The following ATP8A2 variants were observed in gnomAD, a reference collection of about 807,000 sequenced individuals.
ATP8A2 encodes the protein phospholipid-transporting ATPase IB.
Under a neutral mutation model 165.6 loss-of-function variants are expected in ATP8A2, and 100 were observed. That is an observed-to-expected ratio of 0.60 (90% CI 0.51 to 0.71). ATP8A2 has a LOEUF of 0.71. ATP8A2 is among the 30% of genes least tolerant of loss of function. ATP8A2 has a pLI of 0.00. For missense variants in ATP8A2, 1,227 were observed against 1,479.5 expected (o/e 0.83, Z 2.80); for synonymous variants, 543 against 548.8 (o/e 0.99, Z 0.15).
chr13:25,407,708 A>G (rs1036950968), intron 1 of ATP8A2, among the ~76,000 whole-genome samples: 1 of 152,222 alleles, frequency 6.6e-6, no homozygotes, highest in African/African-American at 2.4e-5. Context: ...GGAAAGACCT[A>G]GAAGAAAGTG....
chr13:25,999,403 G>A (rs2139316082), intron 35 of ATP8A2, among the ~76,000 whole-genome samples: 1 of 152,244 alleles, frequency 6.6e-6, no homozygotes, highest in South Asian at 2.1e-4. Flanking sequence ...GGCGCTCACA[G>A]GCCCCACATC....
At chr13:25,523,431 C>A (rs2037736183) in intron 2 of ATP8A2, among the ~76,000 whole-genome samples, 1 of 152,056 alleles carries the variant, frequency 6.6e-6, no homozygotes, top group Non-Finnish European at 1.5e-5. Flanking sequence ...CACCACCTTG[C>A]CTGGCTAGGT....
intron 27 of ATP8A2, among the ~76,000 whole-genome samples, chr13:25,808,679 C>T (rs541543053): frequency 1.4e-4 from 21 of 152,100 alleles, no homozygotes; most frequent in Non-Finnish European, 3.1e-4. Context: ...GGCTCAACCT[C>T]CCACCTCAGC....
At chr13:25,850,921 A>T (rs9511943) in intron 30 of ATP8A2, among the ~76,000 whole-genome samples, 20,185 of 152,120 alleles carry the variant, frequency 0.13, 1,563 homozygotes, top group Non-Finnish European at 0.18. Flanking sequence ...TTTGCCTCTA[A>T]AACTGTTGAA....
chr13:25,469,285 C>G (rs1445233995), intron 2 of ATP8A2, among the ~76,000 whole-genome samples, 164 bp downstream of exon 2: 6 of 151,966 alleles, frequency 3.9e-5, no homozygotes, highest in African/African-American at 1.2e-4. Context: ...GGTGCAGCCC[C>G]GCGCTTCCAG....
chr13:25,742,524 C>A (rs1420882877), intron 25 of ATP8A2, among the ~76,000 whole-genome samples: 7 of 151,842 alleles, frequency 4.6e-5, no homozygotes, highest in South Asian at 2.1e-4. Context: ...CTACTTCCTC[C>A]CCCTCATTAT....
At chr13:25,946,467 G>A (rs948251356) in intron 33 of ATP8A2, among the ~76,000 whole-genome samples, 2 of 152,180 alleles carry the variant, frequency 1.3e-5, no homozygotes, top group East Asian at 1.9e-4. Flanking sequence ...AGGCCTCCAT[G>A]TCCATCCCAA....
Position 25,784,455 on chromosome 13 carries a change from G to A in ATP8A2, c.2679+9496G>A, listed in dbSNP as rs74742367. 3.6e-3 allele frequency among the ~76,000 whole-genome samples: 553 copies of A among 152,306 alleles called. 1 individual carries two copies. The highest frequency in any genetic ancestry group is 0.013 in the African/African-American group (524 of 41,572). ...TAAAGGCCTCTTGCATTCAGAGACA[G>A]CACCCACATAGTTTAGTACTGATTG... On this transcript the variant is annotated intron_variant, in intron 27 of 36. Coordinates refer to ENST00000381655, the MANE Select transcript of ATP8A2 (RefSeq NM_016529.6).
chr13:25,955,038 A>G (rs915647785), intron 33 of ATP8A2, among the ~76,000 whole-genome samples: 1 of 152,214 alleles, frequency 6.6e-6, no homozygotes, highest in African/African-American at 2.4e-5. Context: ...AAGGTGGGTA[A>G]TAACAAACTC....
At chr13:25,697,992 G>T (rs932619489) in intron 24 of ATP8A2, among the ~76,000 whole-genome samples, 1 of 152,134 alleles carries the variant, frequency 6.6e-6, no homozygotes, top group Non-Finnish European at 1.5e-5. Context: ...AGAGGTAGAA[G>T]GATTCTTGTT....
At chr13:25,970,276 A>T (rs1181915928) in intron 35 of ATP8A2, among the ~76,000 whole-genome samples, 1 of 152,220 alleles carries the variant, frequency 6.6e-6, no homozygotes, top group Non-Finnish European at 1.5e-5. Context: ...ATCACATATA[A>T]TGTGGTGTGA....
intron 27 of ATP8A2, among the ~76,000 whole-genome samples, chr13:25,778,214 A>G (rs976420306): frequency 2.6e-5 from 4 of 152,330 alleles, no homozygotes; most frequent in African/African-American, 9.6e-5. Context: ...TAGCCCATAA[A>G]TATTCCACCC....
chr13:25,650,767 T>C (rs182565211), intron 24 of ATP8A2, among the ~76,000 whole-genome samples: 1 of 152,344 alleles, frequency 6.6e-6, no homozygotes, highest in Non-Finnish European at 1.5e-5. Context: ...TTTTTCTTTT[T>C]TAATCTTTTG....
At chr13:25,620,797 G>A (rs1013202700) in intron 24 of ATP8A2, among the ~76,000 whole-genome samples, 1 of 152,078 alleles carries the variant, frequency 6.6e-6, no homozygotes, top group Non-Finnish European at 1.5e-5. Context: ...TTAGAAATAG[G>A]CACAATGTAG....
intron 16 of ATP8A2, among the ~76,000 whole-genome samples, chr13:25,568,208 G>A (rs551589717): frequency 6.6e-6 from 1 of 152,254 alleles, no homozygotes; most frequent in South Asian, 2.1e-4. Flanking sequence ...AAATTTCGGA[G>A]GACAATTTAT....
chr13:25,499,247 TACTC>T (rs1483810654), intron 2 of ATP8A2, among the ~76,000 whole-genome samples: 1 of 152,206 alleles, frequency 6.6e-6, no homozygotes, highest in Non-Finnish European at 1.5e-5. Flanking sequence ...GTGAATGTGT[TACTC>T]ACAGAAACAA....
chr13:25,651,731 A>G (rs993451551), intron 24 of ATP8A2, among the ~76,000 whole-genome samples: 2 of 152,030 alleles, frequency 1.3e-5, no homozygotes, highest in African/African-American at 4.8e-5. Flanking sequence ...TATACCTGTT[A>G]ATTTTGCTCT....
chr13:25,889,170 T>C (rs1953266211), intron 33 of ATP8A2, among the ~76,000 whole-genome samples: 1 of 148,944 alleles, frequency 6.7e-6, no homozygotes, highest in Non-Finnish European at 1.5e-5. Context: ...GCTTCAGGCC[T>C]GATCATTTTC....
chr13:25,745,954 C>T (rs964266506), intron 25 of ATP8A2, among the ~76,000 whole-genome samples: 1 of 152,214 alleles, frequency 6.6e-6, no homozygotes, highest in Non-Finnish European at 1.5e-5. Flanking sequence ...AGGCTGACTA[C>T]ATCCTATCAT....
Sources: gnomAD v4.1 joint callset for allele counts (sites outside exome capture counted in the v4.1 genomes callset) on GRCh38, gnomAD v4.1.1 for gene constraint, MANE v1.5 for transcripts, NCBI Gene and HGNC (gene_info 2026-07-23, HGNC 2026-07-21) for gene names.